Variants in MBNL2 observed in about 807,000 individuals in gnomAD.
MBNL2 encodes muscleblind-like protein 2.
In MBNL2, 17 loss-of-function variants were observed where a neutral mutation model predicts 41.9. The ratio of observed to expected loss-of-function variants is 0.41; its 90% CI spans 0.28 to 0.61. The LOEUF (loss-of-function observed/expected upper bound fraction) is 0.61, where lower values mean the gene tolerates loss of function less well. MBNL2 is among the 20% of genes least tolerant of loss of function. The pLI is 0.35. For synonymous variants in MBNL2, 195 were observed against 182.9 expected, an observed-to-expected ratio of 1.07 and a Z score of -0.53; for missense variants, 336 against 505.6, an observed-to-expected ratio of 0.66 and a Z score of 3.22.
At chr13:97,340,414 T>C (rs930739246) in intron 3 of MBNL2, among the ~76,000 whole-genome samples, 1 of 152,222 alleles carries the variant, frequency 6.6e-6, no homozygotes, top group African/African-American at 2.4e-5. Flanking sequence ...CTCACTTTTA[T>C]ACCCTTACTA....
chr13:97,199,278 T>C, the MBNL2 span, among the ~76,000 whole-genome samples: 7 of 152,182 alleles, frequency 4.6e-5, no homozygotes, highest in African/African-American at 1.7e-4. Flanking sequence ...ACCACCCTTT[T>C]GAAAAGGGCA....
chr13:97,262,905 A>G (rs1477396348), intron 1 of MBNL2, among the ~76,000 whole-genome samples: 1 of 152,172 alleles, frequency 6.6e-6, no homozygotes, highest in African/African-American at 2.4e-5. Flanking sequence ...CTGGGATTAC[A>G]GGCATGCATC....
intron 5 of MBNL2, among the ~76,000 whole-genome samples, chr13:97,354,039 CAAA>C (rs61536908): frequency 7.8e-5 from 8 of 101,914 alleles, no homozygotes; most frequent in Admixed American, 1.0e-4. Flanking sequence ...GTCCTCAATC[CAAA>C]AAAAAAAAAA....
At position 97,385,649 on chromosome 13, in the gene MBNL2, A is replaced by G. The variant is rs556048386; in HGVS notation, c.1049-5673A>G. Among the ~76,000 whole-genome samples, 8 of 152,338 alleles carry G rather than the reference A, an allele frequency of 5.3e-5. No homozygotes were observed. In the South Asian group the frequency reaches 1.7e-3, roughly 32 times the overall value. ...TCTTTGAAATGAGCACTTTTACATA[A>G]GAAGTATAAACACTTCTAGAAGTCA... On this transcript the variant is annotated intron_variant, in intron 8 of 8. Transcript: ENST00000679496.
At chr13:97,153,178 A>G in the MBNL2 span, among the ~76,000 whole-genome samples, 2 of 152,188 alleles carry the variant, frequency 1.3e-5, no homozygotes, top group Non-Finnish European at 2.9e-5. Context: ...ATAATAGTAC[A>G]TTACATGGCT....
intron 8 of MBNL2, among the ~76,000 whole-genome samples, chr13:97,371,224 C>G (rs2064343954): frequency 1.3e-5 from 2 of 152,056 alleles, no homozygotes; most frequent in African/African-American, 4.8e-5. Flanking sequence ...CTTTAAGTTT[C>G]TTCATTTATA....
chr13:97,332,027 A>G (rs1031873076), intron 2 of MBNL2, among the ~76,000 whole-genome samples: 5 of 152,230 alleles, frequency 3.3e-5, no homozygotes, highest in African/African-American at 1.2e-4. Context: ...ATTGACAAGT[A>G]TATGAGTGAA....
intron 2 of MBNL2, among the ~76,000 whole-genome samples, chr13:97,329,646 CA>C (rs2153055509): frequency 1.3e-5 from 2 of 152,094 alleles, no homozygotes; most frequent in Admixed American, 6.6e-5. Context: ...AACACACACA[CA>C]ATACACACAC....
intron 2 of MBNL2, among the ~76,000 whole-genome samples, chr13:97,287,727 T>TTTTC (rs2054816167): frequency 8.0e-6 from 1 of 125,258 alleles, no homozygotes; most frequent in Non-Finnish European, 1.7e-5. Context: ...TTTTCTTTTT[T>TTTTC]TTTTTTTTTT....
intron 2 of MBNL2, among the ~76,000 whole-genome samples, chr13:97,331,923 G>A (rs946454069): frequency 5.3e-5 from 8 of 152,190 alleles, no homozygotes; most frequent in Non-Finnish European, 8.8e-5. Flanking sequence ...TTTATCAAGA[G>A]ATAAGAGCAT....
intron 1 of MBNL2, among the ~76,000 whole-genome samples, chr13:97,253,316 G>C (rs970668614): frequency 6.6e-5 from 10 of 152,168 alleles, no homozygotes; most frequent in Non-Finnish European, 1.0e-4. Context: ...AAATGAAAAA[G>C]TATAGTCCCA....
At chr13:97,168,047 C>A in the MBNL2 span, among the ~76,000 whole-genome samples, 1 of 152,128 alleles carries the variant, frequency 6.6e-6, no homozygotes, top group South Asian at 2.1e-4. Context: ...CTCACTGCAA[C>A]CTCTGCCTCC....
the MBNL2 span, among the ~76,000 whole-genome samples, chr13:97,162,444 A>G: frequency 6.6e-6 from 1 of 152,230 alleles, no homozygotes; most frequent in African/African-American, 2.4e-5. Context: ...GTAACCTCTC[A>G]TAGGTGGAGA....
At chr13:97,217,086 TATATG>T (rs1260450688), upstream of MBNL2, among the ~76,000 whole-genome samples, 17 of 148,526 alleles carry the variant, frequency 1.1e-4, no homozygotes, top group Middle Eastern at 3.6e-3. Flanking sequence ...TTGTATATAA[TATATG>T]ATATATACAT....
intron 2 of MBNL2, among the ~76,000 whole-genome samples, chr13:97,309,526 G>A (rs970454928): frequency 1.3e-5 from 2 of 152,148 alleles, no homozygotes; most frequent in South Asian, 2.1e-4. Flanking sequence ...GTGCTGGGAC[G>A]GATCTTTTCC....
At chr13:97,248,222 A>G (rs2045860944) in intron 1 of MBNL2, among the ~76,000 whole-genome samples, 1 of 152,196 alleles carries the variant, frequency 6.6e-6, no homozygotes, top group South Asian at 2.1e-4. Context: ...CCTGGGTTCA[A>G]GCGATTCTCC....
the MBNL2 span, among the ~76,000 whole-genome samples, chr13:97,176,181 G>T: frequency 6.6e-6 from 1 of 152,160 alleles, no homozygotes; most frequent in Non-Finnish European, 1.5e-5. Context: ...TCTGACAAGA[G>T]AAGAAAGAAT....
chr13:97,331,405 C>A (rs184726384), intron 2 of MBNL2, among the ~76,000 whole-genome samples: 2 of 152,312 alleles, frequency 1.3e-5, no homozygotes, highest in African/African-American at 4.8e-5. Context: ...CTCCTACCAA[C>A]GGATAGGTCC....
At chr13:97,258,656 T>C (rs1403378300) in intron 1 of MBNL2, among the ~76,000 whole-genome samples, 1 of 152,234 alleles carries the variant, frequency 6.6e-6, no homozygotes, top group South Asian at 2.1e-4. Flanking sequence ...TGAGGTCTTC[T>C]GAACCCTTGG....
Sources: gnomAD v4.1 joint callset for allele counts (sites outside exome capture counted in the v4.1 genomes callset) on GRCh38, gnomAD v4.1.1 for gene constraint, MANE v1.5 for transcripts, NCBI Gene and HGNC (gene_info 2026-07-23, HGNC 2026-07-21) for gene names.